The following DACH1 variants were observed in gnomAD, a reference collection of about 807,000 sequenced individuals.
DACH1 encodes dachshund homolog 1.
A neutral mutation model predicts 54.2 loss-of-function variants in DACH1; 12 were observed. The ratio of observed to expected loss-of-function variants is 0.22; its 90% CI spans 0.14 to 0.36. The LOEUF is 0.36. DACH1 is among the 10% of genes least tolerant of loss of function. The probability of loss-of-function intolerance (pLI) is 1.00; values close to 1 mark genes in which losing one functional copy is unlikely to be tolerated. For synonymous variants in DACH1, 386 were observed against 366.2 expected (o/e 1.05, Z -0.62); for missense variants, 805 against 929.8 (o/e 0.87, Z 1.75).
intron 1 of DACH1, among the ~76,000 whole-genome samples, chr13:71,808,084 C>T (rs1887580436): frequency 6.6e-6 from 1 of 152,134 alleles, no homozygotes; most frequent in African/African-American, 2.4e-5. Flanking sequence ...CTTGACATCA[C>T]CACCCAACCT....
chr13:71,538,002 A>T (rs1882915369), intron 6 of DACH1, among the ~76,000 whole-genome samples: 1 of 152,106 alleles, frequency 6.6e-6, no homozygotes, highest in Non-Finnish European at 1.5e-5. Context: ...TATGCATCAG[A>T]TATGCTAGCT....
At chr13:71,619,676 T>A (rs1876060735) in intron 3 of DACH1, among the ~76,000 whole-genome samples, 1 of 151,744 alleles carries the variant, frequency 6.6e-6, no homozygotes. Context: ...GTAAATTCAG[T>A]TTATATTTGT....
chr13:71,655,352 G>T (rs968707762), intron 2 of DACH1, among the ~76,000 whole-genome samples: 2 of 149,620 alleles, frequency 1.3e-5, no homozygotes, highest in African/African-American at 2.5e-5. Context: ...TGACATTGGT[G>T]ATGTCTCTTT....
intron 10 of DACH1, among the ~76,000 whole-genome samples, chr13:71,446,033 G>T (rs982954176): frequency 6.6e-6 from 1 of 152,228 alleles, no homozygotes; most frequent in East Asian, 1.9e-4. Context: ...AAAGCCATGG[G>T]CCATGGAGAA....
At chr13:71,865,807 C>A in intron 1 of DACH1, 115 bp downstream of exon 1, 5 of 1,309,846 alleles carry the variant, frequency 3.8e-6, no homozygotes, top group Non-Finnish European at 4.8e-6. Context: ...CCGCGCTCGC[C>A]GGGGCGCGCG....
chr13:71,471,271 A>T (rs1280216505), intron 10 of DACH1, among the ~76,000 whole-genome samples: 2 of 151,974 alleles, frequency 1.3e-5, no homozygotes, highest in Non-Finnish European at 2.9e-5. Flanking sequence ...TAGATGGATT[A>T]GGGTGCCATA....
At chr13:71,791,987 ACT>A (rs1430246703) in intron 1 of DACH1, among the ~76,000 whole-genome samples, 2 of 151,988 alleles carry the variant, frequency 1.3e-5, no homozygotes, top group Non-Finnish European at 2.9e-5. Flanking sequence ...ATGGAGGGAC[ACT>A]CTAACTGTAT....
At chr13:71,573,327 A>G (rs1353956615) in intron 3 of DACH1, 2 of 668,910 alleles carry the variant, frequency 3.0e-6, no homozygotes, top group East Asian at 2.7e-5. Context: ...ATGTAAATAT[A>G]GTATATCTCT....
At chr13:71,723,716 A>G (rs1423656682) in intron 1 of DACH1, among the ~76,000 whole-genome samples, 1 of 152,030 alleles carries the variant, frequency 6.6e-6, no homozygotes, top group Non-Finnish European at 1.5e-5. Flanking sequence ...TTTGAGACAG[A>G]GTCTCACTGC....
At chr13:71,647,623 G>A (rs1878380790) in intron 2 of DACH1, among the ~76,000 whole-genome samples, 1 of 152,036 alleles carries the variant, frequency 6.6e-6, no homozygotes, top group African/African-American at 2.4e-5. Context: ...AAGAGAACAG[G>A]GCCACCATGA....
At chr13:71,681,434 CT>C (rs1393885623) in intron 2 of DACH1, among the ~76,000 whole-genome samples, 2 of 152,136 alleles carry the variant, frequency 1.3e-5, no homozygotes, top group Non-Finnish European at 2.9e-5. Context: ...AATCCAAAGA[CT>C]TGGGTTTGAA....
At chr13:71,738,786 GA>G (rs59793953) in intron 1 of DACH1, among the ~76,000 whole-genome samples, 8 of 88,346 alleles carry the variant, frequency 9.1e-5, no homozygotes, top group Non-Finnish European at 1.6e-4. Flanking sequence ...AAATGCTCAA[GA>G]AAAAAAAACA....
intron 4 of DACH1, among the ~76,000 whole-genome samples, chr13:71,566,408 C>T (rs1263553427): frequency 3.3e-5 from 5 of 152,150 alleles, no homozygotes; most frequent in Non-Finnish European, 1.5e-5. Context: ...TTCATCACTT[C>T]ATTAGGGCTT....
At chr13:71,731,082 A>G (rs1306557198) in intron 1 of DACH1, among the ~76,000 whole-genome samples, 1 of 152,118 alleles carries the variant, frequency 6.6e-6, no homozygotes, top group Non-Finnish European at 1.5e-5. Context: ...TTTTGCAATA[A>G]TCTGAAGTGT....
intron 6 of DACH1, 102 bp downstream of exon 6, chr13:71,556,922 T>C (rs974328964): frequency 1.3e-5 from 16 of 1,235,622 alleles, no homozygotes; most frequent in South Asian, 3.7e-5. Flanking sequence ...TTTATATGCT[T>C]TTTTTTTACA....
intron 1 of DACH1, among the ~76,000 whole-genome samples, chr13:71,828,910 C>T (rs544036800): frequency 6.6e-6 from 1 of 151,780 alleles, no homozygotes; most frequent in Non-Finnish European, 1.5e-5. Flanking sequence ...ACTCACTAAA[C>T]CCCCTTTCTA....
chr13:71,751,873 T>C (rs975443606), intron 1 of DACH1, among the ~76,000 whole-genome samples: 1 of 152,170 alleles, frequency 6.6e-6, no homozygotes, highest in African/African-American at 2.4e-5. Context: ...TTGTGATCAA[T>C]ATTTGTTACT....
chr13:71,758,943 T>C (rs1594186361), intron 1 of DACH1, among the ~76,000 whole-genome samples: 1 of 151,966 alleles, frequency 6.6e-6, no homozygotes, highest in South Asian at 2.1e-4. Context: ...TTTTTTTTTT[T>C]TCCTGTGGTC....
intron 1 of DACH1, among the ~76,000 whole-genome samples, chr13:71,733,573 T>C (rs1680647734): frequency 2.0e-5 from 3 of 152,244 alleles, no homozygotes; most frequent in East Asian, 1.9e-4. Context: ...AAAGTATTCA[T>C]CCACCAGTGG....
Sources: allele counts gnomAD v4.1 joint callset (sites outside exome capture counted in the v4.1 genomes callset), GRCh38; gene constraint gnomAD v4.1.1; transcripts MANE v1.5; gene names NCBI Gene and HGNC (gene_info 2026-07-23, HGNC 2026-07-21).